The following CMTM4 variants were observed in gnomAD, a reference collection of about 807,000 sequenced individuals.
CMTM4 encodes CKLF-like MARVEL transmembrane domain-containing protein 4.
A neutral mutation model predicts 19.0 loss-of-function variants in CMTM4; 8 were observed. The ratio of observed to expected loss-of-function variants is 0.42; its 90% CI spans 0.25 to 0.76. The LOEUF (loss-of-function observed/expected upper bound fraction) is 0.76. Ranked by LOEUF, CMTM4 falls within the 30% of genes least tolerant of loss-of-function variation. The pLI is 0.27. For missense variants in CMTM4, 228 were observed against 290.2 expected (o/e 0.79, Z 1.56); for synonymous variants, 106 against 121.1 (o/e 0.88, Z 0.82).
the CMTM4 span, chr16:66,604,451 T>C: frequency 1.1e-5 from 2 of 186,898 alleles, no homozygotes; most frequent in Non-Finnish European, 2.2e-5. Flanking sequence ...AGACAGCGAG[T>C]ATAGACAGCC....
chr16:66,649,908 A>G (rs531467765), intron 1 of CMTM4, among the ~76,000 whole-genome samples: 11 of 151,928 alleles, frequency 7.2e-5, no homozygotes, highest in African/African-American at 2.7e-4. Context: ...TTCTCCCTCA[A>G]CCCTGATCGT....
At chr16:66,677,706 T>A (rs923651212) in intron 1 of CMTM4, among the ~76,000 whole-genome samples, 1 of 144,504 alleles carries the variant, frequency 6.9e-6, no homozygotes, top group African/African-American at 2.5e-5. Flanking sequence ...GTGGTCAAGA[T>A]TTTTTTTTTT....
intron 1 of CMTM4, among the ~76,000 whole-genome samples, chr16:66,637,571 A>G (rs1309346622): frequency 6.6e-6 from 1 of 152,202 alleles, no homozygotes. Context: ...TTTTTTTCTG[A>G]AGGACCAAAG....
chr16:66,621,479 C>A lies in CMTM4; in HGVS notation c.*579G>T. On this transcript the variant is annotated 3_prime_UTR_variant, in exon 4 of 4. Transcript: ENST00000394106. ...AGCAGAGTAGGAAACAAAAGGTCAC[C>A]CTTCCTTGAGTCAGAGGTCCCTGGG... 1.0e-6 allele frequency: 1 copy of A among 986,004 alleles called. No individual in the cohort carries two copies. 61.1% of individuals were successfully genotyped at this position (986,004 alleles called of 1,614,324 possible).
At chr16:66,600,126 G>GGGGGGGGGGGGGT in the CMTM4 span, among the ~76,000 whole-genome samples, 2 of 144,770 alleles carry the variant, frequency 1.4e-5, no homozygotes, top group African/African-American at 5.3e-5. Context: ...GTGTGTGTGT[G>GGGGGGGGGGGGGT]TGTGTGTGTG....
intron 1 of CMTM4, among the ~76,000 whole-genome samples, chr16:66,681,590 C>T (rs1229242008): frequency 1.3e-5 from 2 of 152,182 alleles, no homozygotes; most frequent in Admixed American, 6.6e-5. Flanking sequence ...AGACGTGAGC[C>T]ACCGCGCCCA....
chr16:66,636,360 CA>C, intron 2 of CMTM4, 44 bp downstream of exon 2: 1 of 1,528,694 alleles, frequency 6.5e-7, no homozygotes. Context: ...TTGGAGCCAA[CA>C]GGCACGTGAT....
chr16:66,660,398 A>C (rs968228832), intron 1 of CMTM4, among the ~76,000 whole-genome samples: 20 of 151,894 alleles, frequency 1.3e-4, no homozygotes, highest in Non-Finnish European at 2.9e-4. Context: ...AAAAAAAAAA[A>C]AAAAAAAACA....
At chr16:66,626,297 C>T (rs1450314785) in intron 2 of CMTM4, among the ~76,000 whole-genome samples, 1 of 151,996 alleles carries the variant, frequency 6.6e-6, no homozygotes, top group African/African-American at 2.4e-5. Context: ...TAGCTGGACC[C>T]CGTCTCTACT....
At chr16:66,662,773 G>A (rs1165987842) in intron 1 of CMTM4, among the ~76,000 whole-genome samples, 1 of 152,164 alleles carries the variant, frequency 6.6e-6, no homozygotes, top group African/African-American at 2.4e-5. Flanking sequence ...ACCCGAAAGA[G>A]GAGTTCTAAG....
At chr16:66,647,458 T>C (rs1414218341) in intron 1 of CMTM4, among the ~76,000 whole-genome samples, 1 of 152,114 alleles carries the variant, frequency 6.6e-6, no homozygotes, top group African/African-American at 2.4e-5. Context: ...AAACTTACCC[T>C]GTTTTTCCAT....
chr16:66,630,176 G>A (rs2015821231), intron 2 of CMTM4, among the ~76,000 whole-genome samples: 1 of 151,916 alleles, frequency 6.6e-6, no homozygotes. Context: ...GAGAGTTAGT[G>A]TCAGAATTGA....
Position 66,622,014 on chromosome 16 carries a change from G to C in CMTM4, c.*44C>G, listed in dbSNP as rs1309915450. ...GACAAGGGAAAGAAAACTTGACTGA[G>C]AGACAGGCACGAGGACGGGAGGGAG... is the stretch of plus-strand genomic sequence containing the variant. On this transcript the variant is annotated 3_prime_UTR_variant, in exon 4 of 4. Coordinates refer to ENST00000394106, the MANE Select transcript of CMTM4 (RefSeq NM_181521.3). The surrounding 1 kb of genome is among the most constrained non-coding windows in gnomAD (Gnocchi z 4.0). 3 of 1,528,408 alleles carry C rather than the reference G, an allele frequency of 2.0e-6. No individual in the cohort carries two copies. The highest frequency in any genetic ancestry group is 2.1e-5 in the Admixed American group (1 of 48,768). The allele number at this position is 1,528,408 out of a possible 1,614,324, so 94.7% of individuals were successfully genotyped here.
At chr16:66,609,830 C>T (rs780691385), downstream of CMTM4, 22 of 1,614,042 alleles carry the variant, frequency 1.4e-5, no homozygotes, top group African/African-American at 2.0e-4. This position sits in a 1 kb window ranked among gnomAD's most constrained non-coding sequence, Gnocchi z 4.4. Context: ...GGGCAGCAGC[C>T]TCCCGGAGCA....
chr16:66,634,888 C>T (rs1010661088), intron 2 of CMTM4, among the ~76,000 whole-genome samples: 1 of 152,192 alleles, frequency 6.6e-6, no homozygotes, highest in Non-Finnish European at 1.5e-5. Context: ...TGGACTTGAA[C>T]CCAGCTCGGT....
At chr16:66,644,541 T>G (rs368367667) in intron 1 of CMTM4, among the ~76,000 whole-genome samples, 16 of 152,364 alleles carry the variant, frequency 1.1e-4, no homozygotes, top group Middle Eastern at 6.8e-3. Context: ...ATTTAGTGTG[T>G]TTCTTATTTT....
chr16:66,629,187 G>A (rs1350015249), intron 2 of CMTM4, among the ~76,000 whole-genome samples: 3 of 152,140 alleles, frequency 2.0e-5, no homozygotes, highest in African/African-American at 4.8e-5. Flanking sequence ...AATCAGCTGG[G>A]GGCTGTCACT....
At chr16:66,693,787 G>A (rs1039674344) in intron 1 of CMTM4, among the ~76,000 whole-genome samples, 1 of 152,190 alleles carries the variant, frequency 6.6e-6, no homozygotes, top group African/African-American at 2.4e-5. Context: ...TTGGGAGGCC[G>A]AGGCGGGCAG....
the CMTM4 span, among the ~76,000 whole-genome samples, chr16:66,606,511 C>T: frequency 0.044 from 6,729 of 151,234 alleles, 536 homozygotes; most frequent in African/African-American, 0.15. Context: ...TCTGGGGACC[C>T]CCTGGGATCC....
Sources: allele counts gnomAD v4.1 joint callset (sites outside exome capture counted in the v4.1 genomes callset), GRCh38; gene constraint gnomAD v4.1.1; non-coding constraint Gnocchi (gnomAD v3.1); transcripts MANE v1.5; gene names NCBI Gene and HGNC (gene_info 2026-07-23, HGNC 2026-07-21).